Variants in GALNT11 observed in about 807,000 individuals in gnomAD.
GALNT11 encodes the protein UDP-GalNAc:polypeptide N-acetylgalactosaminyltransferase 11.
GALNT11 carries 47 observed loss-of-function variants against 72.7 expected under a neutral mutation model. That is an observed-to-expected ratio of 0.65 (90% CI 0.51 to 0.82). GALNT11 has a LOEUF of 0.82. Among genes scored for constraint, GALNT11 ranks in the 40% least tolerant of loss-of-function variants. The pLI, the probability that GALNT11 is intolerant of heterozygous loss-of-function variation, is 0.00. For synonymous variants in GALNT11, 270 were observed against 286.6 expected, an observed-to-expected ratio of 0.94 and a Z score of 0.58; for missense variants, 677 against 778.4, an observed-to-expected ratio of 0.87 and a Z score of 1.55.
intron 1 of GALNT11, among the ~76,000 whole-genome samples, chr7:152,026,764 C>A (rs969770975): frequency 6.6e-6 from 1 of 152,194 alleles, no homozygotes; most frequent in African/African-American, 2.4e-5. Context: ...ACCTGGAAGC[C>A]GCCACTTTGA....
intron 1 of GALNT11, among the ~76,000 whole-genome samples, chr7:152,051,429 C>G (rs1020217826): frequency 6.6e-6 from 1 of 151,996 alleles, no homozygotes; most frequent in South Asian, 2.1e-4. Flanking sequence ...TTCTGGTAGA[C>G]TTTACCTCTT....
chr7:152,112,811 CA>C (rs1479887934), intron 7 of GALNT11, among the ~76,000 whole-genome samples: 1 of 151,208 alleles, frequency 6.6e-6, no homozygotes, highest in African/African-American at 2.4e-5. Context: ...ATCTGTTTTC[CA>C]AAAAAGAATA....
intron 10 of GALNT11, chr7:152,120,053 G>A (rs1034455105): frequency 1.3e-5 from 2 of 152,184 alleles, no homozygotes; most frequent in Admixed American, 1.3e-4. Context: ...GGCTAACTTA[G>A]TTATGCTTAT....
chr7:152,067,025 C>T (rs2084351624), intron 1 of GALNT11, among the ~76,000 whole-genome samples: 1 of 151,962 alleles, frequency 6.6e-6, no homozygotes, highest in South Asian at 2.1e-4. Flanking sequence ...ATTTGTAAAA[C>T]AAACAAACAA....
rs1194975306 is a variant in GALNT11, at chr7:152,120,603, C to T, written c.1558-228C>T. The T allele has an allele frequency of 8.3e-5, 39 of 471,842 alleles. 1 individual carries two copies. In the Admixed American group the frequency reaches 9.3e-4, roughly 11 times the overall value. 29.2% of individuals were successfully genotyped at this position (471,842 alleles called of 1,614,324 possible). On this transcript the variant is annotated intron_variant, in intron 10 of 11. Coordinates refer to ENST00000430044, the MANE Select transcript of GALNT11 (RefSeq NM_022087.4). ...AGTTAATTCAGTCAAATTCAATGAA[C>T]AAAATTCAGCCACTGCTTAGGTTTC...
At chr7:152,119,044 C>A in intron 10 of GALNT11, 1 of 283,338 alleles carries the variant, frequency 3.5e-6, no homozygotes. Flanking sequence ...AAGAGAGTGG[C>A]CTTAGATGAC....
intron 1 of GALNT11, among the ~76,000 whole-genome samples, chr7:152,083,291 G>A (rs2085426542): frequency 6.6e-6 from 1 of 152,030 alleles, no homozygotes; most frequent in African/African-American, 2.4e-5. Context: ...TCTAGTACTT[G>A]TATGGAGTCA....
chr7:152,036,835 A>G (rs939483318), intron 1 of GALNT11, among the ~76,000 whole-genome samples: 3 of 152,216 alleles, frequency 2.0e-5, no homozygotes, highest in African/African-American at 7.2e-5. Flanking sequence ...TTCTCTGATC[A>G]GTGATGTTGA....
intron 1 of GALNT11, among the ~76,000 whole-genome samples, chr7:152,051,661 A>G (rs918656966): frequency 6.6e-6 from 1 of 152,082 alleles, no homozygotes; most frequent in African/African-American, 2.4e-5. Flanking sequence ...TGTAGGGTAG[A>G]CTCTTCAGAA....
intron 5 of GALNT11, among the ~76,000 whole-genome samples, chr7:152,105,837 A>T (rs185960639): frequency 6.6e-6 from 1 of 152,206 alleles, no homozygotes; most frequent in African/African-American, 2.4e-5. Context: ...CGTAAGATTG[A>T]CTTACAAAAC....
At chr7:152,117,890 T>A (rs2089036821) in intron 9 of GALNT11, 1 of 156,516 alleles carries the variant, frequency 6.4e-6, no homozygotes, top group Non-Finnish European at 1.4e-5. Flanking sequence ...CTTAAACTCA[T>A]TACAGTTATA....
chr7:152,096,730 A>T (rs1283381162), intron 2 of GALNT11, among the ~76,000 whole-genome samples: 1 of 151,940 alleles, frequency 6.6e-6, no homozygotes, highest in Non-Finnish European at 1.5e-5. Context: ...AAAAAAAAAA[A>T]AAGTGAAAAA....
intron 6 of GALNT11, 50 bp from the exon 7 acceptor site, chr7:152,110,478 G>C: frequency 7.6e-7 from 1 of 1,311,646 alleles, no homozygotes; most frequent in Non-Finnish European, 1.1e-6. Flanking sequence ...AAAGTAGTAG[G>C]TAAGATAACT....
At chr7:152,035,841 C>A (rs2082548010) in intron 1 of GALNT11, among the ~76,000 whole-genome samples, 1 of 152,144 alleles carries the variant, frequency 6.6e-6, no homozygotes, top group South Asian at 2.1e-4. Flanking sequence ...AGCGTCAGCC[C>A]CAAGTGAGGA....
chr7:152,082,002 A>G (rs2085352150), intron 1 of GALNT11, among the ~76,000 whole-genome samples: 1 of 152,346 alleles, frequency 6.6e-6, no homozygotes, highest in South Asian at 2.1e-4. Flanking sequence ...TTAATGGACA[A>G]TGGGATTTAT....
At chr7:152,026,926 C>G (rs2082044327) in intron 1 of GALNT11, among the ~76,000 whole-genome samples, 1 of 152,210 alleles carries the variant, frequency 6.6e-6, no homozygotes, top group Non-Finnish European at 1.5e-5. Flanking sequence ...GCCATAGACA[C>G]TCATTTCGCT....
intron 1 of GALNT11, among the ~76,000 whole-genome samples, chr7:152,026,649 A>C (rs1325540890): frequency 6.6e-6 from 1 of 152,256 alleles, no homozygotes; most frequent in Non-Finnish European, 1.5e-5. Context: ...ACTAAGGCAC[A>C]AGTGGCTATT....
At chr7:152,043,584 C>T (rs2082976549) in intron 1 of GALNT11, among the ~76,000 whole-genome samples, 1 of 152,210 alleles carries the variant, frequency 6.6e-6, no homozygotes, top group Admixed American at 6.5e-5. Flanking sequence ...CTAAATCACC[C>T]TCTCATCTAG....
At chr7:152,052,568 C>T (rs1378234017) in intron 1 of GALNT11, among the ~76,000 whole-genome samples, 1 of 152,072 alleles carries the variant, frequency 6.6e-6, no homozygotes, top group Non-Finnish European at 1.5e-5. Flanking sequence ...GATGGCTCTA[C>T]CTCTCTTCTC....
Sources: gnomAD v4.1 joint callset for allele counts (sites outside exome capture counted in the v4.1 genomes callset) on GRCh38, gnomAD v4.1.1 for gene constraint, MANE v1.5 for transcripts, NCBI Gene and HGNC (gene_info 2026-07-23, HGNC 2026-07-21) for gene names.